CLIP2: variants seen among roughly 807,000 people sequenced by gnomAD.
The protein encoded by CLIP2 is CAP-Gly domain containing linker protein 2, also known as CAP-Gly domain-containing linker protein 2.
Under a neutral mutation model 111.7 loss-of-function variants are expected in CLIP2, and 41 were observed. The observed-to-expected ratio is 0.37, with a 90% CI of 0.29 to 0.48. CLIP2 has a LOEUF of 0.48. CLIP2 is among the 20% of genes least tolerant of loss of function. The probability of loss-of-function intolerance (pLI) is 0.99; values close to 1 mark genes in which losing one functional copy is unlikely to be tolerated. For synonymous variants in CLIP2, 660 were observed against 644.2 expected, an observed-to-expected ratio of 1.02 and a Z score of -0.37; for missense variants, 1,160 against 1,422.1, an observed-to-expected ratio of 0.82 and a Z score of 2.96.
intron 1 of CLIP2, among the ~76,000 whole-genome samples, chr7:74,312,487 G>A (rs1287039330): frequency 6.6e-6 from 1 of 152,110 alleles, no homozygotes; most frequent in African/African-American, 2.4e-5. Flanking sequence ...CACCCACAAG[G>A]TGGGATATTT....
At chr7:74,385,484 G>T (rs1791063502) in intron 11 of CLIP2, among the ~76,000 whole-genome samples, 1 of 151,002 alleles carries the variant, frequency 6.6e-6, no homozygotes, top group Non-Finnish European at 1.5e-5. Flanking sequence ...AAAAAAAAAG[G>T]TTAAAATCGT....
chr7:74,310,518 T>A (rs1788614219), intron 1 of CLIP2, among the ~76,000 whole-genome samples: 1 of 152,064 alleles, frequency 6.6e-6, no homozygotes, highest in Non-Finnish European at 1.5e-5. Flanking sequence ...TGAGACCCTG[T>A]CTCAAAAATA....
At chr7:74,389,408 C>A in intron 13 of CLIP2, 149 bp downstream of exon 13, 1 of 733,648 alleles carries the variant, frequency 1.4e-6, no homozygotes, top group South Asian at 2.0e-5. Context: ...CTGCTCTCCT[C>A]TAAGCTCCGA....
chr7:74,307,387 C>T (rs1362398072), intron 1 of CLIP2, among the ~76,000 whole-genome samples: 3 of 152,258 alleles, frequency 2.0e-5, no homozygotes, highest in African/African-American at 7.2e-5. Context: ...AACTTCTCTG[C>T]ACTCGGGAAG....
At chr7:74,392,283 G>A (rs781963392) in intron 13 of CLIP2, among the ~76,000 whole-genome samples, 6 of 151,580 alleles carry the variant, frequency 4.0e-5, no homozygotes, top group South Asian at 2.1e-4. Flanking sequence ...CCTAGGAGGC[G>A]GAGCTTGGAG....
At chr7:74,356,306 G>A in intron 4 of CLIP2, 104 bp from the exon 5 acceptor site, 5 of 952,196 alleles carry the variant, frequency 5.3e-6, no homozygotes, top group East Asian at 2.4e-5. Context: ...CCAAGGAGGT[G>A]TCTTTCTCTC....
chr7:74,357,866 C>T (rs1790194097), intron 6 of CLIP2, among the ~76,000 whole-genome samples: 2 of 151,290 alleles, frequency 1.3e-5, no homozygotes, highest in Admixed American at 6.6e-5. Flanking sequence ...AAGCGATTCT[C>T]CTGCCTCAGC....
At chr7:74,290,606 C>A (rs1192698403) in intron 1 of CLIP2, among the ~76,000 whole-genome samples, 2 of 152,204 alleles carry the variant, frequency 1.3e-5, no homozygotes, top group African/African-American at 4.8e-5. Context: ...GTCTGAGACC[C>A]CTCCTCTCAC....
intron 13 of CLIP2, among the ~76,000 whole-genome samples, chr7:74,394,442 G>T (rs1415509723): frequency 2.0e-5 from 3 of 151,876 alleles, no homozygotes; most frequent in African/African-American, 4.8e-5. Flanking sequence ...TATAGATAGG[G>T]TTTCTCCATG....
intron 1 of CLIP2, among the ~76,000 whole-genome samples, chr7:74,291,955 A>C (rs1584296307): frequency 5.9e-5 from 7 of 118,184 alleles, no homozygotes; most frequent in African/African-American, 1.4e-4. Context: ...ATGGAGTTTC[A>C]CTCTTGTTGC....
intron 1 of CLIP2, among the ~76,000 whole-genome samples, chr7:74,302,377 AATTAATTTTTGTATT>A (rs1376910862): frequency 6.6e-6 from 1 of 150,930 alleles, no homozygotes; most frequent in African/African-American, 2.4e-5. Context: ...CACCACGCCC[AATTAATTTTTGTATT>A]TTAGTAGAGA....
chr7:74,311,596 A>G (rs1191369052), intron 1 of CLIP2, among the ~76,000 whole-genome samples: 1 of 152,186 alleles, frequency 6.6e-6, no homozygotes, highest in Non-Finnish European at 1.5e-5. Context: ...AGCAAGTTGC[A>G]GAGTTCATTA....
chr7:74,379,017 C>T (rs1178692181), intron 10 of CLIP2, among the ~76,000 whole-genome samples: 2 of 152,172 alleles, frequency 1.3e-5, no homozygotes, highest in African/African-American at 2.4e-5. Flanking sequence ...CAGAAACAGC[C>T]TGCAACTCAG....
Position 74,389,016 on chromosome 7 carries a change from C to T in CLIP2, c.2564-87C>T, listed in dbSNP as rs80313456. ...CACCTTCATCCCCTGGGAGAATCAGCGCCCTGCCCAGGTCTTTGCCCTTGG... is the reference window on the plus strand; with the variant it reads ...CACCTTCATCCCCTGGGAGAATCAGTGCCCTGCCCAGGTCTTTGCCCTTGG... On this transcript the variant is annotated intron_variant, in intron 12 of 16. Transcript: ENST00000223398. 1,928 of 1,454,778 alleles carry T rather than the reference C, an allele frequency of 1.3e-3. 28 individuals are homozygous for T. The African/African-American group carries it at 0.023, about 18-fold the overall frequency. 90.1% of individuals were successfully genotyped at this position (1,454,778 alleles called of 1,614,324 possible). A position where few individuals can be genotyped will look rare whatever the true frequency, so the allele number is the denominator to read the frequency against.
chr7:74,389,270 CGTGG>C lies in CLIP2; in HGVS notation c.2720+13_2720+16del. On this transcript the variant is annotated intron_variant, in intron 13 of 16. Transcript: ENST00000223398. Reference sequence around the variant, plus strand: ...GCTGCGGAAGGAGCGGTGAGGCGGCCGTGGGGCCGGCTGGGTCCTCCCTGTGGCC... The same window carrying C: ...GCTGCGGAAGGAGCGGTGAGGCGGCCGGCCGGCTGGGTCCTCCCTGTGGCC... 6.4e-7 allele frequency: 1 copy of C among 1,569,828 alleles called. No individual in the cohort carries two copies. Among genetic ancestry groups the C allele is most frequent in the Non-Finnish European group, 8.6e-7 (1 of 1,159,460 alleles).
At chr7:74,373,951 C>G (rs1554312351) in intron 9 of CLIP2, among the ~76,000 whole-genome samples, 2 of 152,218 alleles carry the variant, frequency 1.3e-5, no homozygotes, top group South Asian at 4.1e-4. Flanking sequence ...CATGGAACAG[C>G]TCTGCTTGTG....
At chr7:74,329,369 C>G (rs529219707) in intron 2 of CLIP2, among the ~76,000 whole-genome samples, 1 of 151,970 alleles carries the variant, frequency 6.6e-6, no homozygotes. Flanking sequence ...TTAAGAGCAC[C>G]TCTCATTCCC....
chr7:74,310,250 C>T (rs1371526884), intron 1 of CLIP2, among the ~76,000 whole-genome samples: 1 of 151,088 alleles, frequency 6.6e-6, no homozygotes, highest in Non-Finnish European at 1.5e-5. Context: ...GAAGACTGGT[C>T]ATGGCGGCTC....
At chr7:74,394,699 T>A (rs936140728) in intron 13 of CLIP2, among the ~76,000 whole-genome samples, 1 of 152,228 alleles carries the variant, frequency 6.6e-6, no homozygotes, top group African/African-American at 2.4e-5. Flanking sequence ...TTCTAGAAAC[T>A]GTAGCCCTGC....
Sources: gnomAD v4.1 joint callset for allele counts (sites outside exome capture counted in the v4.1 genomes callset) on GRCh38, gnomAD v4.1.1 for gene constraint, MANE v1.5 for transcripts, NCBI Gene and HGNC (gene_info 2026-07-23, HGNC 2026-07-21) for gene names.